SDK2: variants seen among roughly 807,000 people sequenced by gnomAD.
The protein encoded by SDK2 is sidekick cell adhesion molecule 2.
SDK2 carries 105 observed loss-of-function variants against 253.9 expected under a neutral mutation model. The observed-to-expected ratio is 0.41, with a 90% CI of 0.35 to 0.49. The LOEUF is 0.49. Among genes scored for constraint, SDK2 ranks in the 20% least tolerant of loss-of-function variants. SDK2 has a pLI of 0.06. For missense variants in SDK2, 2,608 were observed against 3,003.0 expected, an observed-to-expected ratio of 0.87 and a Z score of 3.07; for synonymous variants, 1,249 against 1,234.9, an observed-to-expected ratio of 1.01 and a Z score of -0.24.
Position 73,393,612 on chromosome 17 carries a change from G to C in SDK2, c.3846C>G (p.Ile1282Met), listed in dbSNP as rs764950234. The change falls in exon 27 of 45, where the codon ATC becomes ATG. Residue 1282 changes from isoleucine (I) to methionine (M), a missense_variant. Ile to Met is a conservative substitution (Grantham distance 10, BLOSUM62 1). This residue lies in a region of SDK2 where 1,505 missense variants were observed against 1,859.1 expected (regional missense o/e 0.81). Coordinates refer to ENST00000392650, the MANE Select transcript of SDK2 (RefSeq NM_001144952.2). The stretch of plus-strand genomic sequence containing the variant: ...GAGGGTGGCTGGGGCTGCCGTCCCC[G>C]ATGCGTGTGAAGGCCAGCACCTGGA... Reference protein sequence around the residue: ...YEVQVLAFTRIGDGSPSHPPI... With the variant: ...YEVQVLAFTRMGDGSPSHPPI... 117 of 1,587,052 alleles carry C rather than the reference G, an allele frequency of 7.4e-5. No individual in the cohort carries two copies. Among genetic ancestry groups the C allele is most frequent in the Non-Finnish European group, 1.0e-4 (116 of 1,160,978 alleles).
At position 73,361,508 on chromosome 17, in the gene SDK2, G is replaced by A. The variant is rs1041540438; in HGVS notation, c.5467+176C>T. The stretch of plus-strand genomic sequence containing the variant: ...AACCTGAGGACACATTAATCAAAGC[G>A]TGGAGCCCGGGAGGAGGGAGCGGGG... On this transcript the variant is annotated intron_variant, in intron 39 of 44. Transcript: ENST00000392650. This position sits in a 1 kb window ranked among gnomAD's most constrained non-coding sequence, Gnocchi z 4.1. 6.6e-6 allele frequency among the ~76,000 whole-genome samples: 1 copy of A among 152,088 alleles called. No individual in the cohort carries two copies. Among genetic ancestry groups the A allele is most frequent in the Non-Finnish European group, 1.5e-5 (1 of 68,000 alleles).
At position 73,438,119 on chromosome 17, in the gene SDK2, T is replaced by C; in HGVS notation, c.761A>G (p.Asp254Gly). 6.4e-7 allele frequency: 1 copy of C among 1,551,652 alleles called. No homozygotes were observed. Among genetic ancestry groups the C allele is most frequent in the East Asian group, 2.4e-5 (1 of 40,924 alleles). ...LIKLHIIWKK[D>G]GVLLSGGISD... is the part of the protein sequence containing the mutation. ...GATGCCGCCCGACAGCAATACCCCG[T>C]CCTTCTTCCAAATGATATGTAGCTT... The change falls in exon 7 of 45, where the codon GAC becomes GGC. Residue 254 changes from aspartate to glycine, a missense_variant. This residue lies in a region of SDK2 where 1,505 missense variants were observed against 1,859.1 expected (regional missense o/e 0.81). Transcript: ENST00000392650.
intron 40 of SDK2, among the ~76,000 whole-genome samples, chr17:73,357,034 GAGGGCC>G (rs1467577872): frequency 6.6e-6 from 1 of 152,258 alleles, no homozygotes; most frequent in Non-Finnish European, 1.5e-5. Flanking sequence ...GCCGGCACCA[GAGGGCC>G]AGGGAGGGAC....
intron 1 of SDK2, among the ~76,000 whole-genome samples, chr17:73,638,964 C>G (rs1156993068): frequency 6.6e-6 from 1 of 151,918 alleles, no homozygotes; most frequent in Non-Finnish European, 1.5e-5. Context: ...CTCCCACTAC[C>G]ACGCCTGGCT....
chr17:73,393,086 A>T (rs1364438063), intron 27 of SDK2, among the ~76,000 whole-genome samples: 1 of 151,836 alleles, frequency 6.6e-6, no homozygotes, highest in Non-Finnish European at 1.5e-5. Flanking sequence ...CTCTACTAAA[A>T]ATACAACAAT....
chr17:73,546,538 C>T (rs1332815661), intron 1 of SDK2, among the ~76,000 whole-genome samples: 1 of 152,242 alleles, frequency 6.6e-6, no homozygotes, highest in Non-Finnish European at 1.5e-5. Context: ...ACCACACAGG[C>T]CACACTGCCT....
intron 6 of SDK2, among the ~76,000 whole-genome samples, chr17:73,439,122 T>G (rs1267405708): frequency 4.6e-5 from 7 of 152,090 alleles, no homozygotes; most frequent in Non-Finnish European, 8.8e-5. Flanking sequence ...TGAGGGCTGG[T>G]TGTTTAAAGG....
rs80008043 is a variant in SDK2 at position 73,609,591 on chromosome 17, G to C, written c.64+34434C>G. ...TGCAGTGGAAGCTGACAGGGAAAAC[G>C]GCTCAAGAGAAGGTTTGTTTTTTCA... On this transcript the variant is annotated intron_variant, in intron 1 of 44. Transcript: ENST00000392650. This position sits in a 1 kb window ranked among gnomAD's most constrained non-coding sequence, Gnocchi z 4.4. Among the ~76,000 whole-genome samples the C allele has an allele frequency of 1.3e-5, 2 of 152,184 alleles. No individual in the cohort carries two copies. The highest frequency in any genetic ancestry group is 4.8e-5 in the African/African-American group (2 of 41,430).
At chr17:73,341,466 T>C (rs79981684) in intron 44 of SDK2, among the ~76,000 whole-genome samples, 20,728 of 152,094 alleles carry the variant, frequency 0.14, 1,714 homozygotes, top group South Asian at 0.22. Flanking sequence ...GCTCCGATTT[T>C]AGCGCACAGC....
chr17:73,444,212 G>A (rs1456426696), intron 5 of SDK2, among the ~76,000 whole-genome samples: 2 of 152,182 alleles, frequency 1.3e-5, no homozygotes, highest in East Asian at 1.9e-4. Context: ...TCGCAGGCTC[G>A]GGGACGCACA....
intron 2 of SDK2, among the ~76,000 whole-genome samples, chr17:73,501,066 G>T (rs560076775): frequency 1.3e-5 from 2 of 152,316 alleles, no homozygotes; most frequent in Admixed American, 6.5e-5. Context: ...GGAGCTGAGA[G>T]CGGTCAGATG....
intron 2 of SDK2, among the ~76,000 whole-genome samples, chr17:73,479,885 G>T (rs1264089705): frequency 6.6e-6 from 1 of 152,180 alleles, no homozygotes; most frequent in East Asian, 1.9e-4. Flanking sequence ...TAGAGATGGG[G>T]TTTCGCCATG....
intron 1 of SDK2, among the ~76,000 whole-genome samples, chr17:73,610,244 AC>A (rs773114296): frequency 1.6e-4 from 25 of 152,238 alleles, no homozygotes; most frequent in Middle Eastern, 6.8e-3. Context: ...TGGGGAGGAA[AC>A]CCGTAGGTTT....
At chr17:73,537,575 G>A (rs2044798162) in intron 1 of SDK2, among the ~76,000 whole-genome samples, 1 of 152,110 alleles carries the variant, frequency 6.6e-6, no homozygotes. Flanking sequence ...TGGAGGGTGG[G>A]GGCTGGGGAG....
At chr17:73,440,970 T>C (rs1567774933) in intron 5 of SDK2, 47 bp from the exon 6 acceptor site, 8 of 1,377,464 alleles carry the variant, frequency 5.8e-6, no homozygotes, top group Admixed American at 2.0e-5. Context: ...GGAAATCCTA[T>C]CCCTGCCCAG....
intron 3 of SDK2, among the ~76,000 whole-genome samples, chr17:73,464,175 T>G (rs1599590982): frequency 6.6e-6 from 1 of 152,034 alleles, no homozygotes; most frequent in Non-Finnish European, 1.5e-5. Flanking sequence ...CTGATATGGT[T>G]TGGATTTGTG....
intron 39 of SDK2, among the ~76,000 whole-genome samples, chr17:73,359,750 A>T (rs775344482): frequency 6.6e-6 from 1 of 152,080 alleles, no homozygotes; most frequent in Non-Finnish European, 1.5e-5. Flanking sequence ...GGCTCAAACG[A>T]TTCTCCCACG....
chr17:73,372,169 CTT>C (rs1305155220), intron 36 of SDK2, among the ~76,000 whole-genome samples: 3 of 152,284 alleles, frequency 2.0e-5, no homozygotes, highest in African/African-American at 7.2e-5. Context: ...GCAGGTGCAT[CTT>C]GTTTGTGAGC....
At chr17:73,613,004 C>T (rs2045997018) in intron 1 of SDK2, among the ~76,000 whole-genome samples, 1 of 152,186 alleles carries the variant, frequency 6.6e-6, no homozygotes, top group South Asian at 2.1e-4. Flanking sequence ...GACATGCTGT[C>T]TGATCTGCCA....
Sources: allele counts gnomAD v4.1 joint callset (sites outside exome capture counted in the v4.1 genomes callset), GRCh38; gene constraint gnomAD v4.1.1; regional missense constraint gnomAD v4.1.1; non-coding constraint Gnocchi (gnomAD v3.1); transcripts MANE v1.5; gene names NCBI Gene and HGNC (gene_info 2026-07-23, HGNC 2026-07-21).